Variants in CNTN4 observed in about 807,000 individuals in gnomAD.
CNTN4 encodes contactin-4.
Under a neutral mutation model 122.5 loss-of-function variants are expected in CNTN4, and 77 were observed. That is an observed-to-expected ratio of 0.63 (90% CI 0.52 to 0.76). The LOEUF is 0.76. Ranked by LOEUF, CNTN4 falls within the 30% of genes least tolerant of loss-of-function variation. The probability of loss-of-function intolerance (pLI) is 0.00; values close to 1 mark genes in which losing one functional copy is unlikely to be tolerated. For synonymous variants in CNTN4, 512 were observed against 447.0 expected, an observed-to-expected ratio of 1.15 and a Z score of -1.83; for missense variants, 1,256 against 1,259.1, an observed-to-expected ratio of 1.00 and a Z score of 0.04.
chr3:2,600,625 A>G (rs1411221918), intron 4 of CNTN4, among the ~76,000 whole-genome samples: 2 of 152,146 alleles, frequency 1.3e-5, no homozygotes, highest in East Asian at 3.9e-4. Context: ...GTTGATTCCA[A>G]GTCTTTGCTA....
At chr3:2,815,328 G>A (rs1337048673) in intron 6 of CNTN4, among the ~76,000 whole-genome samples, 4 of 152,200 alleles carry the variant, frequency 2.6e-5, no homozygotes, top group East Asian at 3.9e-4. Context: ...GAAACTCTTC[G>A]TCATCTATAC....
intron 6 of CNTN4, among the ~76,000 whole-genome samples, chr3:2,815,499 A>T (rs1028615139): frequency 6.6e-6 from 1 of 152,218 alleles, no homozygotes; most frequent in African/African-American, 2.4e-5. Context: ...AATGCTCAAC[A>T]TCACTAATGA....
At chr3:2,419,843 T>G (rs943359325) in intron 3 of CNTN4, among the ~76,000 whole-genome samples, 1 of 152,236 alleles carries the variant, frequency 6.6e-6, no homozygotes, top group African/African-American at 2.4e-5. Context: ...TCCTTCCCTA[T>G]ACATGCAAAC....
At chr3:2,123,364 G>T (rs971520742) in intron 2 of CNTN4, among the ~76,000 whole-genome samples, 4 of 152,084 alleles carry the variant, frequency 2.6e-5, no homozygotes, top group Non-Finnish European at 5.9e-5. Context: ...TCCTTTTATT[G>T]CATCATTGCA....
intron 3 of CNTN4, among the ~76,000 whole-genome samples, chr3:2,403,968 G>A (rs902264786): frequency 6.6e-6 from 1 of 152,134 alleles, no homozygotes; most frequent in Non-Finnish European, 1.5e-5. Flanking sequence ...GACCCTATGA[G>A]TACAGATTGT....
intron 4 of CNTN4, among the ~76,000 whole-genome samples, chr3:2,650,560 A>G (rs1458744351): frequency 3.3e-5 from 5 of 152,182 alleles, no homozygotes; most frequent in African/African-American, 9.7e-5. Flanking sequence ...CATGAACGGA[A>G]GACTCAATCA....
chr3:2,466,353 G>C (rs565425685), intron 3 of CNTN4, among the ~76,000 whole-genome samples: 21 of 152,146 alleles, frequency 1.4e-4, no homozygotes, highest in Non-Finnish European at 1.0e-4. Flanking sequence ...GAAACAAAAC[G>C]TAAGTGTTTG....
At chr3:2,962,681 T>C (rs17023722) in intron 13 of CNTN4, among the ~76,000 whole-genome samples, 53,225 of 152,046 alleles carry the variant, frequency 0.35, 9,521 homozygotes, top group African/African-American at 0.39. Context: ...TAGCTTTGGT[T>C]GTAAGACACA....
At chr3:2,574,572 C>G (rs936895352) in intron 4 of CNTN4, among the ~76,000 whole-genome samples, 1 of 152,002 alleles carries the variant, frequency 6.6e-6, no homozygotes, top group Non-Finnish European at 1.5e-5. Context: ...TCAAATAAAC[C>G]AAAACTATTG....
intron 2 of CNTN4, among the ~76,000 whole-genome samples, chr3:2,208,989 G>A (rs1478600884): frequency 7.2e-5 from 11 of 152,108 alleles, no homozygotes; most frequent in Admixed American, 7.2e-4. Context: ...AACTTTGTGT[G>A]CCTCACTTTA....
intron 24 of CNTN4, among the ~76,000 whole-genome samples, chr3:3,055,757 A>C (rs1165921065): frequency 6.6e-6 from 1 of 152,198 alleles, no homozygotes; most frequent in African/African-American, 2.4e-5. Context: ...TAAGTGTCAT[A>C]TTCATCTGTG....
rs561817794 is a variant in CNTN4, at chr3:2,480,322, C to T, written c.-88-91094C>T. Among the ~76,000 whole-genome samples the T allele has an allele frequency of 2.6e-5, 4 of 152,124 alleles. No homozygotes were observed. The South Asian group carries it at 8.3e-4, about 32-fold the overall frequency. The stretch of plus-strand genomic sequence containing the variant: ...ACAGATTGGAAAGGAAGAAATTAAA[C>T]TGCCTTTTCTTGTAGATGACATGAC... On this transcript the variant is annotated intron_variant, in intron 3 of 24. Coordinates refer to ENST00000418658, the MANE Select transcript of CNTN4 (RefSeq NM_175607.3).
chr3:2,755,860 C>A (rs766218849), intron 6 of CNTN4, among the ~76,000 whole-genome samples: 1 of 152,000 alleles, frequency 6.6e-6, no homozygotes, highest in South Asian at 2.1e-4. Context: ...TAAAAGAGAA[C>A]AATTAATATT....
At chr3:2,906,736 C>T (rs920130914) in intron 12 of CNTN4, among the ~76,000 whole-genome samples, 2 of 150,578 alleles carry the variant, frequency 1.3e-5, no homozygotes, top group Admixed American at 6.6e-5. Flanking sequence ...CCCAGCTACT[C>T]GGGAGGCTGA....
At chr3:2,983,788 T>C (rs1003890432) in intron 13 of CNTN4, among the ~76,000 whole-genome samples, 1 of 152,198 alleles carries the variant, frequency 6.6e-6, no homozygotes, top group East Asian at 1.9e-4. Flanking sequence ...TATTGCTGTA[T>C]AAAAAAGTGG....
At chr3:2,933,293 C>T (rs913268736) in intron 13 of CNTN4, among the ~76,000 whole-genome samples, 7 of 152,108 alleles carry the variant, frequency 4.6e-5, no homozygotes, top group Non-Finnish European at 8.8e-5. Flanking sequence ...TGGTAATTGA[C>T]GTTGTCAGGG....
chr3:2,707,711 A>G (rs930946604), intron 4 of CNTN4, among the ~76,000 whole-genome samples: 1 of 152,056 alleles, frequency 6.6e-6, no homozygotes, highest in Non-Finnish European at 1.5e-5. Flanking sequence ...TGGCTTGATC[A>G]TAGCTCACTG....
At chr3:2,252,086 A>G (rs1405331510) in intron 2 of CNTN4, among the ~76,000 whole-genome samples, 2 of 152,074 alleles carry the variant, frequency 1.3e-5, no homozygotes, top group African/African-American at 2.4e-5. Context: ...CTACATTCAC[A>G]TTTATAGGAA....
At chr3:2,707,636 CTTTTG>C (rs1262107702) in intron 4 of CNTN4, among the ~76,000 whole-genome samples, 5 of 123,632 alleles carry the variant, frequency 4.0e-5, no homozygotes, top group Admixed American at 2.8e-4. Context: ...GCTTCTTTTT[CTTTTG>C]TTTTATTTGT....
Sources: gnomAD v4.1 joint callset for allele counts (sites outside exome capture counted in the v4.1 genomes callset) on GRCh38, gnomAD v4.1.1 for gene constraint, MANE v1.5 for transcripts, NCBI Gene and HGNC (gene_info 2026-07-23, HGNC 2026-07-21) for gene names.